The following CDH12 variants were observed in gnomAD, a reference collection of about 807,000 sequenced individuals.
CDH12 encodes the protein cadherin 12.
CDH12 carries 41 observed loss-of-function variants against 74.1 expected under a neutral mutation model. The observed-to-expected ratio is 0.55, with a 90% CI of 0.43 to 0.72. The LOEUF is 0.72. CDH12 is among the 30% of genes least tolerant of loss of function. CDH12 has a pLI of 0.00. For synonymous variants in CDH12, 399 were observed against 355.0 expected (o/e 1.12, Z -1.39); for missense variants, 945 against 977.2 (o/e 0.97, Z 0.44).
rs1752476207 is a variant in CDH12 at position 21,883,613 on chromosome 5, C to T, written c.527-28823G>A. 3.1e-6 allele frequency: 5 copies of T among 1,607,822 alleles called. No individual in the cohort carries two copies. In the South Asian group the frequency reaches 3.3e-5, roughly 11 times the overall value. ...ATCTTGAAGATGTTCAGCCTCATGA[C>T]TTAGGAAAAGTTGGAGAGGTCATTG... On this transcript the variant is annotated intron_variant, in intron 6 of 14. Coordinates refer to ENST00000382254, the MANE Select transcript of CDH12 (RefSeq NM_004061.5).
chr5:22,531,187 A>G (rs1374704305), intron 1 of CDH12, among the ~76,000 whole-genome samples: 1 of 152,190 alleles, frequency 6.6e-6, no homozygotes, highest in African/African-American at 2.4e-5. Flanking sequence ...TTGCAGCACA[A>G]TTTAATTATC....
At chr5:22,409,174 C>T (rs1477760404) in intron 2 of CDH12, among the ~76,000 whole-genome samples, 1 of 151,972 alleles carries the variant, frequency 6.6e-6, no homozygotes, top group Non-Finnish European at 1.5e-5. Flanking sequence ...ACTCTTAGCA[C>T]TCTCGTCTTG....
chr5:22,664,776 T>C (rs1740527173), intron 1 of CDH12, among the ~76,000 whole-genome samples: 1 of 152,128 alleles, frequency 6.6e-6, no homozygotes, highest in Non-Finnish European at 1.5e-5. Context: ...TGTCCAAGGT[T>C]ATAGACGTAG....
At position 22,163,368 on chromosome 5, in the gene CDH12, C is replaced by A. The variant is rs150533321; in HGVS notation, c.-187+49130G>T. Among the ~76,000 whole-genome samples the A allele has an allele frequency of 8.4e-3, 1,282 of 152,232 alleles. 5 individuals carry two copies. Among genetic ancestry groups the A allele is most frequent in the Non-Finnish European group, 0.014 (944 of 68,008 alleles). On this transcript the variant is annotated intron_variant, in intron 4 of 14. Transcript: ENST00000382254. ...TCCTGTATATTGCATGTACATAACA[C>A]AAAGAATCATGTATCAATATTTACC...
At chr5:22,086,343 A>AT (rs1246073899) in intron 4 of CDH12, among the ~76,000 whole-genome samples, 3 of 151,412 alleles carry the variant, frequency 2.0e-5, no homozygotes, top group Admixed American at 6.6e-5. Flanking sequence ...TTATTTATTT[A>AT]TTTTTTATTA....
intron 3 of CDH12, among the ~76,000 whole-genome samples, chr5:22,341,459 G>A (rs970261538): frequency 2.0e-5 from 3 of 152,148 alleles, no homozygotes; most frequent in African/African-American, 7.2e-5. Context: ...TCTGACAGAG[G>A]GGTTGTGCTG....
At chr5:22,406,514 G>T (rs906285760) in intron 2 of CDH12, among the ~76,000 whole-genome samples, 1 of 152,038 alleles carries the variant, frequency 6.6e-6, no homozygotes, top group African/African-American at 2.4e-5. Flanking sequence ...AGCTGATACC[G>T]TCTCTCAAAA....
chr5:22,203,832 A>G (rs1056945790), intron 4 of CDH12, among the ~76,000 whole-genome samples: 1 of 152,108 alleles, frequency 6.6e-6, no homozygotes, highest in South Asian at 2.1e-4. Flanking sequence ...AATTTACATT[A>G]CCCTGAAGAT....
At chr5:22,485,555 A>G (rs1486367538) in intron 2 of CDH12, among the ~76,000 whole-genome samples, 2 of 152,144 alleles carry the variant, frequency 1.3e-5, no homozygotes, top group Non-Finnish European at 2.9e-5. Flanking sequence ...AAGTTAAATC[A>G]TTTGGATTTT....
chr5:22,222,069 C>T (rs1346643244), intron 3 of CDH12, among the ~76,000 whole-genome samples: 1 of 151,934 alleles, frequency 6.6e-6, no homozygotes, highest in African/African-American at 2.4e-5. Flanking sequence ...AATGTAAGTA[C>T]TGGATATAAA....
intron 1 of CDH12, among the ~76,000 whole-genome samples, chr5:22,797,183 TAAAA>T (rs58951425): frequency 0.039 from 3,370 of 86,268 alleles, 131 homozygotes; most frequent in African/African-American, 0.12. Context: ...AGTGCCTTTA[TAAAA>T]AAAAAAAAAA....
At chr5:22,455,649 A>T (rs1745233715) in intron 2 of CDH12, among the ~76,000 whole-genome samples, 1 of 152,196 alleles carries the variant, frequency 6.6e-6, no homozygotes, top group African/African-American at 2.4e-5. Flanking sequence ...AGAGATATAA[A>T]TCTGGAAGTG....
chr5:22,141,477 T>G (rs974368530), intron 4 of CDH12: 5 of 152,078 alleles, frequency 3.3e-5, no homozygotes, highest in Non-Finnish European at 7.4e-5. Context: ...CTGGAAGGTG[T>G]GTGGAGTAAA....
intron 5 of CDH12, among the ~76,000 whole-genome samples, chr5:22,000,810 C>A (rs192958009): frequency 2.0e-5 from 3 of 152,032 alleles, no homozygotes; most frequent in African/African-American, 7.2e-5. Context: ...TCTTCAGCTG[C>A]AAAAGGGTAC....
At chr5:22,459,857 T>G (rs2126581893) in intron 2 of CDH12, among the ~76,000 whole-genome samples, 1 of 152,052 alleles carries the variant, frequency 6.6e-6, no homozygotes, top group South Asian at 2.1e-4. Flanking sequence ...TCCCAGCTAC[T>G]TGGGAGGCTG....
intron 1 of CDH12, among the ~76,000 whole-genome samples, chr5:22,603,308 T>A (rs1235517249): frequency 6.6e-6 from 1 of 152,128 alleles, no homozygotes; most frequent in Non-Finnish European, 1.5e-5. Flanking sequence ...ACTGCTAAGA[T>A]GTTGGTAAAA....
chr5:22,244,740 AAAAGAAAGAAAG>A (rs200900772), intron 3 of CDH12, among the ~76,000 whole-genome samples: 1,467 of 92,610 alleles, frequency 0.016, 15 homozygotes, highest in African/African-American at 0.029. Flanking sequence ...AGAAAGAAAG[AAAAGAAAGAAAG>A]AAAGAAAGAA....
At chr5:22,281,285 C>T (rs1391919867) in intron 3 of CDH12, among the ~76,000 whole-genome samples, 1 of 152,006 alleles carries the variant, frequency 6.6e-6, no homozygotes, top group Non-Finnish European at 1.5e-5. Flanking sequence ...ATGGGCAACA[C>T]CTGGAAGAAT....
At chr5:22,753,362 G>A (rs541677605) in intron 1 of CDH12, among the ~76,000 whole-genome samples, 75 of 150,880 alleles carry the variant, frequency 5.0e-4, no homozygotes, top group Non-Finnish European at 8.9e-4. Flanking sequence ...GCGTGAACCC[G>A]GGAGGCAGAG....
Sources: allele counts gnomAD v4.1 joint callset (sites outside exome capture counted in the v4.1 genomes callset), GRCh38; gene constraint gnomAD v4.1.1; transcripts MANE v1.5; gene names NCBI Gene and HGNC (gene_info 2026-07-23, HGNC 2026-07-21).